The following DCC variants were observed in gnomAD, a reference collection of about 807,000 sequenced individuals.
The protein encoded by DCC is netrin receptor DCC.
A neutral mutation model predicts 172.5 loss-of-function variants in DCC; 58 were observed. The observed-to-expected ratio is 0.34, with a 90% CI of 0.27 to 0.42. The LOEUF is 0.42. Among genes scored for constraint, DCC ranks in the 10% least tolerant of loss-of-function variants. DCC has a pLI of 1.00. For synonymous variants in DCC, 709 were observed against 644.5 expected (o/e 1.10, Z -1.52); for missense variants, 1,740 against 1,791.0 (o/e 0.97, Z 0.51).
intron 1 of DCC, among the ~76,000 whole-genome samples, chr18:52,517,915 G>A (rs2031691410): frequency 6.6e-6 from 1 of 152,056 alleles, no homozygotes; most frequent in Non-Finnish European, 1.5e-5. Context: ...TCTCATTGCT[G>A]CATATTATTC....
intron 28 of DCC, among the ~76,000 whole-genome samples, chr18:53,527,766 C>CTAT (rs2046476066): frequency 6.6e-6 from 1 of 151,704 alleles, no homozygotes; most frequent in Admixed American, 6.6e-5. Flanking sequence ...CTAAAGGCAG[C>CTAT]TATTTATAGT....
rs762588059 is a variant in DCC, at chr18:53,530,693, T to G, written c.*40T>G. On this transcript the variant is annotated 3_prime_UTR_variant, in exon 29 of 29. Coordinates refer to ENST00000442544, the MANE Select transcript of DCC (RefSeq NM_005215.4). ...TGGATGAGGTGAATTTTCCGGGAAC[T>G]TTGCAGCATACCAATTACCCATAAA... 5.5e-6 allele frequency: 6 copies of G among 1,086,336 alleles called. No individual in the cohort carries two copies. Among genetic ancestry groups the G allele is most frequent in the Non-Finnish European group, 8.6e-6 (6 of 697,906 alleles). 67.3% of individuals were successfully genotyped at this position (1,086,336 alleles called of 1,614,324 possible).
Position 52,391,979 on chromosome 18 carries a change from G to A in DCC, c.91+51101G>A, listed in dbSNP as rs139777213. On this transcript the variant is annotated intron_variant, in intron 1 of 28. Coordinates refer to ENST00000442544, the MANE Select transcript of DCC (RefSeq NM_005215.4). ...TCAGCTTTAAAGCTGCCAGTGTAGCGCTATGTGTCAACTATTCGAGTCCAC... is the reference window on the plus strand; with the variant it reads ...TCAGCTTTAAAGCTGCCAGTGTAGCACTATGTGTCAACTATTCGAGTCCAC... Among the ~76,000 whole-genome samples the A allele has an allele frequency of 5.3e-5, 8 of 152,260 alleles. No homozygotes were observed. In the East Asian group the frequency reaches 9.7e-4, roughly 18 times the overall value.
chr18:53,312,981 A>AGGAGGGAGGGGGGAGAGGAAGGGG (rs2057295889), intron 13 of DCC, among the ~76,000 whole-genome samples: 1 of 90,746 alleles, frequency 1.1e-5, no homozygotes. Flanking sequence ...AGAGGAAGGG[A>AGGAGGGAGGGGGGAGAGGAAGGGG]GGAGGGAGGG....
At chr18:52,512,528 T>C (rs1020130700) in intron 1 of DCC, among the ~76,000 whole-genome samples, 41 of 152,230 alleles carry the variant, frequency 2.7e-4, no homozygotes, top group Non-Finnish European at 8.8e-5. Flanking sequence ...AATTTGATAA[T>C]GGATGTTCTA....
intron 5 of DCC, among the ~76,000 whole-genome samples, chr18:53,030,493 ACT>A (rs1248319980): frequency 2.0e-5 from 3 of 151,650 alleles, no homozygotes; most frequent in African/African-American, 4.8e-5. Context: ...GACAGGAAGC[ACT>A]CTTCTTTAAG....
intron 27 of DCC, among the ~76,000 whole-genome samples, chr18:53,519,567 T>C (rs1486152300): frequency 6.6e-6 from 1 of 151,970 alleles, no homozygotes; most frequent in Non-Finnish European, 1.5e-5. Flanking sequence ...GAAAATCACT[T>C]TTCATATTTG....
rs183145429 is a variant in DCC at position 53,426,136 on chromosome 18, T to C, written c.3164-9008T>C. 7.2e-3 allele frequency among the ~76,000 whole-genome samples: 1,084 copies of C among 151,420 alleles called. 17 individuals are homozygous for C. Among genetic ancestry groups the C allele is most frequent in the Admixed American group, 0.026 (399 of 15,096 alleles). On this transcript the variant is annotated intron_variant, in intron 21 of 28. Coordinates refer to ENST00000442544, the MANE Select transcript of DCC (RefSeq NM_005215.4). Reference sequence around the variant, plus strand: ...CCCTAATTTTTGCCTTTTCAGTTTTTGTCCACTCTCCCTTGTGAGACATCA... The same window carrying C: ...CCCTAATTTTTGCCTTTTCAGTTTTCGTCCACTCTCCCTTGTGAGACATCA...
At chr18:53,104,995 G>T (rs1405530260) in intron 7 of DCC, among the ~76,000 whole-genome samples, 1 of 151,972 alleles carries the variant, frequency 6.6e-6, no homozygotes, top group African/African-American at 2.4e-5. Context: ...TTATGTAAAT[G>T]CATTCTAGTT....
chr18:52,368,635 G>A (rs1316634592), intron 1 of DCC, among the ~76,000 whole-genome samples: 1 of 152,162 alleles, frequency 6.6e-6, no homozygotes, highest in Admixed American at 6.5e-5. Context: ...TTTTCCCACT[G>A]TTTTGGATAT....
chr18:52,917,717 T>C lies in DCC; in HGVS notation c.698-5990T>C, dbSNP rs561345343. Among the ~76,000 whole-genome samples, 3 of 152,276 alleles carry C rather than the reference T, an allele frequency of 2.0e-5. No individual in the cohort carries two copies. In the South Asian group the frequency reaches 6.2e-4, roughly 32 times the overall value. Reference sequence around the variant, plus strand: ...TATCACTGTAATGACTGTTTTCTCTTTATTTCCATACCACCCTCTTGCTGT... The same window carrying C: ...TATCACTGTAATGACTGTTTTCTCTCTATTTCCATACCACCCTCTTGCTGT... On this transcript the variant is annotated intron_variant, in intron 3 of 28. Transcript: ENST00000442544.
intron 12 of DCC, among the ~76,000 whole-genome samples, chr18:53,217,260 T>TACAC (rs1491574177): frequency 1.1e-5 from 1 of 94,812 alleles, no homozygotes; most frequent in Non-Finnish European, 2.0e-5. Context: ...CTATATATAT[T>TACAC]ATACACACAC....
At chr18:52,721,045 T>G (rs1017123890) in intron 1 of DCC, among the ~76,000 whole-genome samples, 3 of 152,108 alleles carry the variant, frequency 2.0e-5, no homozygotes, top group South Asian at 2.1e-4. Context: ...CCCATCCCCT[T>G]AAAAAGATGT....
intron 1 of DCC, among the ~76,000 whole-genome samples, chr18:52,594,098 G>T (rs961680669): frequency 6.6e-6 from 1 of 152,152 alleles, no homozygotes; most frequent in Non-Finnish European, 1.5e-5. Context: ...TTTTACTCGG[G>T]ATTTGCCTCT....
chr18:52,642,646 T>C (rs2034932755), intron 1 of DCC, among the ~76,000 whole-genome samples: 1 of 152,076 alleles, frequency 6.6e-6, no homozygotes, highest in Non-Finnish European at 1.5e-5. Context: ...AAAAAAAATC[T>C]TCAATTTTAA....
chr18:52,813,151 C>G (rs1039532537), intron 2 of DCC, among the ~76,000 whole-genome samples: 2 of 151,634 alleles, frequency 1.3e-5, no homozygotes, highest in Admixed American at 6.6e-5. Flanking sequence ...TGATCTTTCT[C>G]TATAAAATAT....
intron 1 of DCC, among the ~76,000 whole-genome samples, chr18:52,467,443 A>G (rs1437862034): frequency 6.6e-6 from 1 of 152,246 alleles, no homozygotes; most frequent in East Asian, 1.9e-4. Context: ...AATCCAGTCT[A>G]TCATTGATGG....
intron 1 of DCC, among the ~76,000 whole-genome samples, chr18:52,411,869 A>G (rs1235468473): frequency 6.6e-6 from 1 of 152,164 alleles, no homozygotes; most frequent in Non-Finnish European, 1.5e-5. Flanking sequence ...CTCATTGTCA[A>G]GCCACAAGCA....
At chr18:53,088,661 C>A (rs1022983007) in intron 7 of DCC, among the ~76,000 whole-genome samples, 2 of 152,050 alleles carry the variant, frequency 1.3e-5, no homozygotes, top group Non-Finnish European at 2.9e-5. Context: ...AATTGATAGA[C>A]CGCTAGCAAG....
Sources: gnomAD v4.1 joint callset for allele counts (sites outside exome capture counted in the v4.1 genomes callset) on GRCh38, gnomAD v4.1.1 for gene constraint, MANE v1.5 for transcripts, NCBI Gene and HGNC (gene_info 2026-07-23, HGNC 2026-07-21) for gene names.